Variants in TRPM3 observed in about 807,000 individuals in gnomAD.
TRPM3 encodes long transient receptor potential channel 3.
In TRPM3, 77 loss-of-function variants were observed where a neutral mutation model predicts 181.2. That is an observed-to-expected ratio of 0.42 (90% confidence interval 0.35 to 0.51). The LOEUF is 0.51. TRPM3 is among the 20% of genes least tolerant of loss of function. The pLI is 0.01. For missense variants in TRPM3, 1,759 were observed against 2,196.7 expected (o/e 0.80, Z 3.98); for synonymous variants, 745 against 796.4 (o/e 0.94, Z 1.09).
At chr9:70,585,590 T>G (rs2056952710) in intron 22 of TRPM3, among the ~76,000 whole-genome samples, 1 of 152,212 alleles carries the variant, frequency 6.6e-6, no homozygotes, top group Non-Finnish European at 1.5e-5. Flanking sequence ...CCCTTTAGAC[T>G]AAGCCAGAAA....
At chr9:71,303,142 G>A (rs372748584) in intron 1 of TRPM3, among the ~76,000 whole-genome samples, 7 of 152,266 alleles carry the variant, frequency 4.6e-5, no homozygotes, top group Non-Finnish European at 7.4e-5. Context: ...ACGGTGTGAT[G>A]TAAGCTTCTC....
intron 1 of TRPM3, among the ~76,000 whole-genome samples, chr9:70,942,853 T>C (rs559932098): frequency 2.6e-4 from 40 of 152,290 alleles, no homozygotes; most frequent in African/African-American, 9.6e-4. Context: ...GGACAAGGCC[T>C]GGGACATTTT....
At chr9:70,822,149 C>A (rs1379935919) in intron 6 of TRPM3, among the ~76,000 whole-genome samples, 1 of 152,198 alleles carries the variant, frequency 6.6e-6, no homozygotes, top group African/African-American at 2.4e-5. Context: ...CCTTCCTACC[C>A]ACATCTGTGC....
At chr9:70,811,345 G>T (rs535279899) in intron 6 of TRPM3, 2 of 987,076 alleles carry the variant, frequency 2.0e-6, no homozygotes, top group African/African-American at 3.3e-5. Context: ...TTATATACGT[G>T]ATGGCAACTC....
At chr9:71,148,960 T>C (rs2075582015) in intron 1 of TRPM3, among the ~76,000 whole-genome samples, 1 of 152,214 alleles carries the variant, frequency 6.6e-6, no homozygotes, top group Admixed American at 6.5e-5. Flanking sequence ...CCTTTCTTTT[T>C]AGAGCTGGGG....
Position 70,853,044 on chromosome 9 carries a change from C to G in TRPM3, c.463-6453G>C, listed in dbSNP as rs2095285404. Among the ~76,000 whole-genome samples the G allele has an allele frequency of 2.0e-5, 3 of 152,274 alleles. No individual in the cohort carries two copies. In the South Asian group the frequency reaches 6.2e-4, roughly 32 times the overall value. ...TTTGAGGGGAGAGACTGTGTTTGAC[C>G]TGACCATGTCTTTTTCTCTTTAGTA... On this transcript the variant is annotated intron_variant, in intron 3 of 25. Coordinates refer to ENST00000677713, the MANE Select transcript of TRPM3 (RefSeq NM_001366145.2).
At chr9:70,544,605 C>T (rs2044368332) in intron 25 of TRPM3, among the ~76,000 whole-genome samples, 1 of 151,918 alleles carries the variant, frequency 6.6e-6, no homozygotes, top group Non-Finnish European at 1.5e-5. Context: ...TGCTTGTGAG[C>T]ATTTTGGGGA....
chr9:70,806,583 G>C (rs868528082), intron 6 of TRPM3, among the ~76,000 whole-genome samples: 1 of 152,014 alleles, frequency 6.6e-6, no homozygotes, highest in Non-Finnish European at 1.5e-5. Flanking sequence ...CCAGCTACTC[G>C]GGAGGCTGAG....
chr9:70,655,891 A>G (rs1037718434), intron 9 of TRPM3, among the ~76,000 whole-genome samples: 3 of 152,190 alleles, frequency 2.0e-5, no homozygotes, highest in African/African-American at 7.2e-5. Flanking sequence ...AATCTATAAG[A>G]TATATTTCTA....
intron 8 of TRPM3, among the ~76,000 whole-genome samples, chr9:70,746,174 A>C (rs1408559034): frequency 1.3e-5 from 2 of 152,184 alleles, no homozygotes; most frequent in African/African-American, 4.8e-5. Context: ...TGCTTATGGT[A>C]GTAAGAGACT....
chr9:71,201,932 G>T (rs1565336091), intron 1 of TRPM3, among the ~76,000 whole-genome samples: 1 of 152,190 alleles, frequency 6.6e-6, no homozygotes, highest in African/African-American at 2.4e-5. Flanking sequence ...CAGTTTTTCT[G>T]CTCTGTTTTT....
chr9:70,536,652 G>A lies in TRPM3; in HGVS notation c.4461C>T (p.Asp1487=). 1 of 1,614,146 alleles carries A rather than the reference G, an allele frequency of 6.2e-7. No individual in the cohort carries two copies. The highest frequency in any genetic ancestry group is 1.1e-5 in the South Asian group (1 of 91,082). ...TTTGGCATTCTGGGAGGTGGGTGTA[G>A]TCTGAAGAAAAAGATCTAGTGTCCA... ...TSMDTRSFSS[D]YTHLPECQNP... Residue 1487 remains aspartate, a synonymous_variant, in exon 26 of 26, where the codon GAC becomes GAT. Coordinates refer to ENST00000677713, the MANE Select transcript of TRPM3 (RefSeq NM_001366145.2).
chr9:70,925,128 T>TAA (rs1564775549), intron 1 of TRPM3, among the ~76,000 whole-genome samples: 1 of 152,186 alleles, frequency 6.6e-6, no homozygotes, highest in East Asian at 1.9e-4. Context: ...TACCTGCCCC[T>TAA]TTCCAGCAGA....
chr9:70,566,901 A>T (rs2050745965), intron 22 of TRPM3, among the ~76,000 whole-genome samples: 1 of 152,194 alleles, frequency 6.6e-6, no homozygotes, highest in Admixed American at 6.5e-5. Flanking sequence ...TTGGCCAAAC[A>T]GCAGTCTGCC....
chr9:71,300,279 T>C (rs1422702342), intron 1 of TRPM3, among the ~76,000 whole-genome samples: 1 of 152,138 alleles, frequency 6.6e-6, no homozygotes, highest in Non-Finnish European at 1.5e-5. Flanking sequence ...TGCATGAATC[T>C]GCAAGCTGGT....
In TRPM3 at chr9:70,537,189, G is replaced by C. The variant is rs201230754; in HGVS notation, c.3924C>G (p.Val1308=). The C allele has an allele frequency of 6.9e-6, 11 of 1,594,056 alleles. No individual in the cohort carries two copies. The highest frequency in any genetic ancestry group is 9.4e-6 in the Non-Finnish European group (11 of 1,165,498). ...CCTGGCTGTTGAAGCTGCTCTGACG[G>C]ACAATGTAGGCGGCGTCCGTGCAGT... ...SSDCTDAAYI[V]RQSSFNSQEG... Residue 1308 remains valine, a synonymous_variant, in exon 26 of 26, where the codon GTC becomes GTG. Coordinates refer to ENST00000677713, the MANE Select transcript of TRPM3 (RefSeq NM_001366145.2).
intron 1 of TRPM3, among the ~76,000 whole-genome samples, chr9:71,117,684 A>T (rs982410519): frequency 3.9e-5 from 6 of 152,258 alleles, no homozygotes; most frequent in African/African-American, 1.4e-4. Flanking sequence ...CCAGAATATA[A>T]TTTCTTTATT....
At chr9:71,361,654 G>A (rs751714394) in intron 1 of TRPM3, among the ~76,000 whole-genome samples, 4 of 152,090 alleles carry the variant, frequency 2.6e-5, no homozygotes, top group Non-Finnish European at 4.4e-5. Flanking sequence ...CATATTTATC[G>A]GTAGGGTCCC....
chr9:71,015,102 A>T (rs549174573), intron 1 of TRPM3, among the ~76,000 whole-genome samples: 1 of 152,170 alleles, frequency 6.6e-6, no homozygotes, highest in Admixed American at 6.5e-5. Context: ...TCAGACTAAC[A>T]TGAGTCAGAT....
Sources: gnomAD v4.1 joint callset for allele counts (sites outside exome capture counted in the v4.1 genomes callset) on GRCh38, gnomAD v4.1.1 for gene constraint, MANE v1.5 for transcripts, NCBI Gene and HGNC (gene_info 2026-07-23, HGNC 2026-07-21) for gene names.